Variants in TMEM41B observed in about 807,000 individuals in gnomAD.
The protein encoded by TMEM41B is transmembrane protein 41B.
In TMEM41B, 18 loss-of-function variants were observed where a neutral mutation model predicts 31.9. That is an observed-to-expected ratio of 0.56 (90% CI 0.39 to 0.84). The LOEUF is 0.84. TMEM41B is among the 40% of genes least tolerant of loss of function. The probability of loss-of-function intolerance (pLI) is 0.00; values close to 1 mark genes in which losing one functional copy is unlikely to be tolerated. For missense variants in TMEM41B, 322 were observed against 348.0 expected (o/e 0.93, Z 0.59); for synonymous variants, 144 against 124.3 (o/e 1.16, Z -1.05).
In TMEM41B at chr11:9,288,510, A is replaced by G; in HGVS notation, c.394T>C (p.Ser132Pro). 2 of 1,586,768 alleles carry G rather than the reference A, an allele frequency of 1.3e-6. No homozygotes were observed. The highest frequency in any genetic ancestry group is 2.4e-5 in the South Asian group (2 of 84,470). The stretch of plus-strand genomic sequence containing the variant: ...CCTGAGAGTATACTGAGAAATATAG[A>G]GCCTGGAATAGCAAATGTTTGCAAG... ...IFLQTFAIPG[S>P]IFLSILSGFL... Residue 132 changes from serine to proline, a missense_variant, in exon 4 of 7, where the codon TCT becomes CCT. Ser to Pro is a moderately conservative substitution (Grantham distance 74). Transcript: ENST00000528080.
At chr11:9,298,617 T>C (rs1157435445) in intron 2 of TMEM41B, among the ~76,000 whole-genome samples, 1 of 151,814 alleles carries the variant, frequency 6.6e-6, no homozygotes, top group Non-Finnish European at 1.5e-5. Context: ...AATACAAAAA[T>C]TAGCCAGCCG....
chr11:9,306,685 C>CA (rs531783426), intron 1 of TMEM41B, among the ~76,000 whole-genome samples: 22,652 of 143,858 alleles, frequency 0.16, 1,898 homozygotes, highest in Non-Finnish European at 0.2. Context: ...GACTCCGTCT[C>CA]AAAAAAAAAA....
chr11:9,286,376 T>C (rs757628796), intron 6 of TMEM41B, 79 bp downstream of exon 6: 3 of 1,413,318 alleles, frequency 2.1e-6, no homozygotes, highest in African/African-American at 2.9e-5. Flanking sequence ...GCAGAGAGCA[T>C]GCATGTAATC....
At chr11:9,302,093 G>C (rs1312970503) in intron 1 of TMEM41B, among the ~76,000 whole-genome samples, 1 of 109,516 alleles carries the variant, frequency 9.1e-6, no homozygotes. Flanking sequence ...TGCAACCTCC[G>C]CCTCCCGGGT....
intron 1 of TMEM41B, among the ~76,000 whole-genome samples, 176 bp from the exon 2 acceptor site, chr11:9,299,877 T>C (rs1326187739): frequency 6.6e-6 from 1 of 152,166 alleles, no homozygotes; most frequent in Non-Finnish European, 1.5e-5. Context: ...CCCAGCACTT[T>C]GGGAAGCCGA....
chr11:9,302,266 C>T (rs1853282685), intron 1 of TMEM41B, among the ~76,000 whole-genome samples: 1 of 99,958 alleles, frequency 1.0e-5, no homozygotes, highest in Admixed American at 9.5e-5. Flanking sequence ...CCTCGGCCTC[C>T]CAAAGTGCTG....
Position 9,296,556 on chromosome 11 carries a change from G to A in TMEM41B, c.240-1169C>T, listed in dbSNP as rs963190635. On this transcript the variant is annotated intron_variant, in intron 2 of 6. Coordinates refer to ENST00000528080, the MANE Select transcript of TMEM41B (RefSeq NM_015012.4). ...CAGGACAATCACTTGAACCCGGGAG[G>A]CAGAGGCTGCAGTGAGCCTCCAGCC... Among the ~76,000 whole-genome samples the A allele has an allele frequency of 5.4e-5, 8 of 148,934 alleles. No homozygotes were observed. The East Asian group carries it at 1.6e-3, about 29-fold the overall frequency.
intron 1 of TMEM41B, among the ~76,000 whole-genome samples, chr11:9,303,490 A>G (rs1454281962): frequency 6.6e-6 from 1 of 152,112 alleles, no homozygotes; most frequent in Non-Finnish European, 1.5e-5. Context: ...TTCTGTTGAA[A>G]TAAGAATTGC....
At chr11:9,287,644 A>C in intron 5 of TMEM41B, 58 bp downstream of exon 5, 1 of 1,257,768 alleles carries the variant, frequency 8.0e-7, no homozygotes, top group Non-Finnish European at 1.1e-6. Context: ...TAGGGACTAA[A>C]CACAGACCTT....
intron 1 of TMEM41B, among the ~76,000 whole-genome samples, chr11:9,313,177 G>A (rs1853604030): frequency 6.6e-6 from 1 of 152,104 alleles, no homozygotes; most frequent in African/African-American, 2.4e-5. Flanking sequence ...ATTCAGAGCT[G>A]ATTTATACAT....
chr11:9,296,088 C>A (rs974291749), intron 2 of TMEM41B, among the ~76,000 whole-genome samples: 3 of 151,388 alleles, frequency 2.0e-5, no homozygotes, highest in Admixed American at 6.6e-5. Flanking sequence ...AATTCCTGAC[C>A]TTAGGTGATC....
intron 1 of TMEM41B, chr11:9,311,170 T>C (rs1590392248): frequency 8.2e-7 from 1 of 1,223,118 alleles, no homozygotes; most frequent in Admixed American, 2.3e-5. Context: ...CAGGCGGGGG[T>C]AGGGTGTGGG....
At chr11:9,288,017 T>C in intron 4 of TMEM41B, 1 of 544,088 alleles carries the variant, frequency 1.8e-6, no homozygotes, top group Non-Finnish European at 3.2e-6. Context: ...GCACTTGTGA[T>C]TACACCTAGT....
At chr11:9,308,193 A>C (rs1437840089) in intron 1 of TMEM41B, among the ~76,000 whole-genome samples, 1 of 152,082 alleles carries the variant, frequency 6.6e-6, no homozygotes, top group East Asian at 1.9e-4. Flanking sequence ...AAATACAAAA[A>C]TTAGTTGGGC....
chr11:9,290,765 A>T (rs998712383), intron 3 of TMEM41B, among the ~76,000 whole-genome samples: 5 of 152,186 alleles, frequency 3.3e-5, no homozygotes, highest in African/African-American at 1.2e-4. Context: ...ACCTAAAATT[A>T]CAGCTGAAAT....
intron 1 of TMEM41B, among the ~76,000 whole-genome samples, chr11:9,305,499 C>T (rs1159527232): frequency 6.6e-6 from 1 of 152,056 alleles, no homozygotes; most frequent in Non-Finnish European, 1.5e-5. Context: ...ACTGGGGAGG[C>T]TAAGGCACAA....
chr11:9,293,243 C>T (rs1852999403), intron 3 of TMEM41B, among the ~76,000 whole-genome samples: 1 of 152,048 alleles, frequency 6.6e-6, no homozygotes. Flanking sequence ...GCTAGGACTA[C>T]AGGCATGTAC....
intron 1 of TMEM41B, among the ~76,000 whole-genome samples, chr11:9,306,548 C>T (rs1853401424): frequency 6.6e-6 from 1 of 151,932 alleles, no homozygotes; most frequent in Non-Finnish European, 1.5e-5. Flanking sequence ...TAGCCGGGCA[C>T]AGTGGCGGGC....
intron 3 of TMEM41B, among the ~76,000 whole-genome samples, chr11:9,289,684 A>G (rs1467032152): frequency 6.6e-6 from 1 of 152,166 alleles, no homozygotes. Context: ...CTGCTTTACT[A>G]TTCCACTATG....
Sources: gnomAD v4.1 joint callset for allele counts (sites outside exome capture counted in the v4.1 genomes callset) on GRCh38, gnomAD v4.1.1 for gene constraint, MANE v1.5 for transcripts, NCBI Gene and HGNC (gene_info 2026-07-23, HGNC 2026-07-21) for gene names.